Variants in OR11H4 observed in about 807,000 individuals in gnomAD.
The protein encoded by OR11H4 is olfactory receptor 11H4.
For missense variants in OR11H4, 460 were observed against 371.1 expected, an observed-to-expected ratio of 1.24 and a Z score of -1.97; for synonymous variants, 162 against 142.3, an observed-to-expected ratio of 1.14 and a Z score of -0.98.
intron 1 of OR11H4, among the ~76,000 whole-genome samples, chr14:20,240,579 CTTTT>C (rs34514476): frequency 1.9e-5 from 2 of 105,294 alleles, no homozygotes; most frequent in African/African-American, 4.7e-5. Flanking sequence ...AAACTACCTT[CTTTT>C]TTTTTTTTTT....
Position 20,243,016 on chromosome 14 carries a change from T to G in OR11H4, c.195T>G (p.Asn65Lys). ...LHTPMYFLLGNFAFLEIWYVS... is the reference protein window; with the variant it reads ...LHTPMYFLLGKFAFLEIWYVS... The stretch of plus-strand genomic sequence containing the variant: ...CCCCCATGTACTTTCTGCTGGGAAA[T>G]TTTGCCTTCCTTGAGATCTGGTATG... Residue 65 changes from asparagine to lysine, a missense_variant, in exon 2 of 2, where the codon AAT becomes AAG. Asn to Lys is a moderately conservative substitution (Grantham distance 94). Coordinates refer to ENST00000641082, the MANE Select transcript of OR11H4 (RefSeq NM_001004479.2). 1 of 1,614,134 alleles carries G rather than the reference T, an allele frequency of 6.2e-7. No homozygotes were observed. The highest frequency in any genetic ancestry group is 1.1e-5 in the South Asian group (1 of 91,074).
Position 20,243,235 on chromosome 14 carries a change from A to G in OR11H4, c.414A>G (p.Val138=). Residue 138 remains valine (V), a synonymous_variant, in exon 2 of 2, where the codon GTA becomes GTG. Transcript: ENST00000641082. ...HPLQYPAIMT[V]RFCGKLVSFC... is the part of the protein sequence containing the mutation. ...TGCAGTACCCTGCCATCATGACTGT[A>G]AGGTTCTGTGGTAAGCTGGTGTCTT... 3.7e-6 allele frequency: 6 copies of G among 1,614,092 alleles called. No homozygotes were observed. Among genetic ancestry groups the G allele is most frequent in the Non-Finnish European group, 5.1e-6 (6 of 1,180,022 alleles).
At chr14:20,242,402 T>C (rs1370261142) in intron 1 of OR11H4, among the ~76,000 whole-genome samples, 1 of 152,134 alleles carries the variant, frequency 6.6e-6, no homozygotes, top group Non-Finnish European at 1.5e-5. Flanking sequence ...ACAACACACG[T>C]TTTTGTGAGC....
Position 20,243,168 on chromosome 14 carries a change from C to T in OR11H4, c.347C>T (p.Ala116Val). ...GGAACAACTGAATGTCTCTTTCTGG[C>T]AGTAATGGCTTATGATCGATACCTG... ...SLGTTECLFLAVMAYDRYLAI... is the reference protein window; with the variant it reads ...SLGTTECLFLVVMAYDRYLAI... Residue 116 changes from alanine to valine, a missense_variant, in exon 2 of 2, where the codon GCA becomes GTA. Physicochemically the swap from Ala to Val is moderately conservative, Grantham distance 64. Coordinates refer to ENST00000641082, the MANE Select transcript of OR11H4 (RefSeq NM_001004479.2). The T allele has an allele frequency of 6.2e-7, 1 of 1,614,192 alleles. No homozygotes were observed. The highest frequency in any genetic ancestry group is 8.5e-7 in the Non-Finnish European group (1 of 1,180,040).
At chr14:20,242,767 A>C in intron 1 of OR11H4, 44 bp from the exon 2 acceptor site, 2 of 1,587,236 alleles carry the variant, frequency 1.3e-6, no homozygotes, top group Non-Finnish European at 1.7e-6. Context: ...ATTGGATTAC[A>C]CTCCAAGAGA....
intron 1 of OR11H4, among the ~76,000 whole-genome samples, chr14:20,242,050 G>C (rs1057022783): frequency 1.1e-4 from 17 of 151,950 alleles, no homozygotes; most frequent in Admixed American, 9.2e-4. Flanking sequence ...TCAGTTCCCA[G>C]GGGCAAGCAG....
At chr14:20,242,119 G>A (rs557361891) in intron 1 of OR11H4, among the ~76,000 whole-genome samples, 137 of 151,604 alleles carry the variant, frequency 9.0e-4, no homozygotes, top group Middle Eastern at 3.4e-3. Context: ...ACTAATCCAC[G>A]TCAGCACAGA....
At chr14:20,241,756 T>G (rs142050609) in intron 1 of OR11H4, among the ~76,000 whole-genome samples, 78 of 152,266 alleles carry the variant, frequency 5.1e-4, no homozygotes, top group Middle Eastern at 3.4e-3. Context: ...TATTCATTAT[T>G]TCAGCAAAAA....
rs143639224 is a variant in OR11H4, at chr14:20,243,598, T to C, written c.777T>C (p.Tyr259=). ...TCTATGGGACAGTCATGGTAATGTA[T>C]GTAAGTCCTACATATGGGATCCCAA... is the stretch of plus-strand genomic sequence containing the variant. ...SLFYGTVMVM[Y]VSPTYGIPTL... Residue 259 remains tyrosine, a synonymous_variant, in exon 2 of 2, where the codon TAT becomes TAC. Coordinates refer to ENST00000641082, the MANE Select transcript of OR11H4 (RefSeq NM_001004479.2). 525 of 1,614,070 alleles carry C rather than the reference T, an allele frequency of 3.3e-4. 2 individuals are homozygous for C. In the African/African-American group the frequency reaches 6.3e-3, roughly 19 times the overall value.
chr14:20,243,330 G>T lies in OR11H4; in HGVS notation c.509G>T (p.Gly170Val). The T allele has an allele frequency of 6.2e-7, 1 of 1,613,952 alleles. No individual in the cohort carries two copies. The highest frequency in any genetic ancestry group is 8.5e-7 in the Non-Finnish European group (1 of 1,179,886). Residue 170 changes from glycine to valine, a missense_variant, in exon 2 of 2, where the codon GGT (glycine) becomes GTT (valine). Coordinates refer to ENST00000641082, the MANE Select transcript of OR11H4 (RefSeq NM_001004479.2). Reference sequence around the variant, plus strand: ...TACATCTCCCAACTCCCCTTCTGTGGTCCTAATATCATTGATCACTTCCTG... The same window carrying T: ...TACATCTCCCAACTCCCCTTCTGTGTTCCTAATATCATTGATCACTTCCTG... The part of the protein sequence containing the change: ...IFYISQLPFC[G>V]PNIIDHFLCD...
chr14:20,243,319 C>A lies in OR11H4; in HGVS notation c.498C>A (p.Leu166=). 6.2e-7 allele frequency: 1 copy of A among 1,614,014 alleles called. No homozygotes were observed. Among genetic ancestry groups the A allele is most frequent in the South Asian group, 1.1e-5 (1 of 91,068 alleles). The change falls in exon 2 of 2, where the codon CTC becomes CTA. Residue 166 remains leucine (L), a synonymous_variant. Coordinates refer to ENST00000641082, the MANE Select transcript of OR11H4 (RefSeq NM_001004479.2). ...YPIPIFYISQ[L]PFCGPNIIDH... is the part of the protein sequence containing the mutation. ...TTCCCATTTTCTACATCTCCCAACT[C>A]CCCTTCTGTGGTCCTAATATCATTG...
At position 20,243,170 on chromosome 14, in the gene OR11H4, G is replaced by A. The variant is rs374075960; in HGVS notation, c.349G>A (p.Val117Ile). 12 of 1,614,060 alleles carry A rather than the reference G, an allele frequency of 7.4e-6. No homozygotes were observed. The change falls in exon 2 of 2, where the codon GTA (valine) becomes ATA (isoleucine). Residue 117 changes from valine to isoleucine, a missense_variant. Coordinates refer to ENST00000641082, the MANE Select transcript of OR11H4 (RefSeq NM_001004479.2). Reference protein sequence around the residue: ...LGTTECLFLAVMAYDRYLAIC... With the variant: ...LGTTECLFLAIMAYDRYLAIC... The stretch of plus-strand genomic sequence containing the variant: ...AACAACTGAATGTCTCTTTCTGGCA[G>A]TAATGGCTTATGATCGATACCTGGC...
chr14:20,242,394 A>G (rs1419274878), intron 1 of OR11H4, among the ~76,000 whole-genome samples: 4 of 152,186 alleles, frequency 2.6e-5, no homozygotes, highest in African/African-American at 9.6e-5. Flanking sequence ...GATTTTATAC[A>G]ACACACGTTT....
Position 20,243,041 on chromosome 14 carries a change from GT to G in OR11H4, c.221del (p.Val74GlyfsTer9). ...GNFAFLEIWYVSSTIPNMLVN... is the reference protein window; with the variant it reads ...GNFAFLEIWYXSSTIPNMLVN... ...TTTTGCCTTCCTTGAGATCTGGTAT[GT>G]GTCCTCCACTATTCCTAACATGCTA... On this transcript the variant is annotated frameshift_variant, in exon 2 of 2. Coordinates refer to ENST00000641082, the MANE Select transcript of OR11H4 (RefSeq NM_001004479.2). LOFTEE classifies it low-confidence loss of function (END_TRUNC). 6.2e-7 allele frequency: 1 copy of G among 1,614,146 alleles called. No individual in the cohort carries two copies. Among genetic ancestry groups the G allele is most frequent in the Non-Finnish European group, 8.5e-7 (1 of 1,180,040 alleles).
chr14:20,242,091 A>T (rs1363579821), intron 1 of OR11H4, among the ~76,000 whole-genome samples: 2 of 152,006 alleles, frequency 1.3e-5, no homozygotes, highest in Admixed American at 6.6e-5. Flanking sequence ...TCTCAACTGC[A>T]AGAGGCTTTC....
chr14:20,240,716 A>C (rs1315601759), intron 1 of OR11H4, among the ~76,000 whole-genome samples: 1 of 151,454 alleles, frequency 6.6e-6, no homozygotes, highest in African/African-American at 2.4e-5. Flanking sequence ...AGCTGGGATT[A>C]CAGGCACGCA....
At chr14:20,239,909 A>C (rs61580828) in intron 1 of OR11H4, among the ~76,000 whole-genome samples, 10,584 of 152,140 alleles carry the variant, frequency 0.07, 865 homozygotes, top group African/African-American at 0.2. Flanking sequence ...GTCAATGCGA[A>C]AACTCTGAAA....
At chr14:20,241,485 G>T (rs967240623) in intron 1 of OR11H4, among the ~76,000 whole-genome samples, 1 of 152,118 alleles carries the variant, frequency 6.6e-6, no homozygotes, top group Non-Finnish European at 1.5e-5. Context: ...CAAATCAAAA[G>T]CTGAAAAGGT....
chr14:20,242,730 T>C (rs2138751608), intron 1 of OR11H4, 81 bp from the exon 2 acceptor site: 1 of 1,507,540 alleles, frequency 6.6e-7, no homozygotes, highest in East Asian at 2.3e-5. Context: ...CTCGTCTCAG[T>C]AAAATCCTTG....
Sources: allele counts gnomAD v4.1 joint callset (sites outside exome capture counted in the v4.1 genomes callset), GRCh38; gene constraint gnomAD v4.1.1; transcripts MANE v1.5; gene names NCBI Gene and HGNC (gene_info 2026-07-23, HGNC 2026-07-21).